Variants in SHC3 observed in about 807,000 individuals in gnomAD.
SHC3 encodes the protein SHC adaptor protein 3, also known as SHC-transforming protein 3.
SHC3 carries 15 observed loss-of-function variants against 60.4 expected under a neutral mutation model. The ratio of observed to expected loss-of-function variants is 0.25; its 90% CI spans 0.17 to 0.38. The LOEUF (loss-of-function observed/expected upper bound fraction) is 0.38, where lower values mean the gene tolerates loss of function less well. SHC3 is among the 10% of genes least tolerant of loss of function. The probability of loss-of-function intolerance (pLI) is 1.00; values close to 1 mark genes in which losing one functional copy is unlikely to be tolerated. For missense variants in SHC3, 677 were observed against 786.1 expected, an observed-to-expected ratio of 0.86 and a Z score of 1.66; for synonymous variants, 294 against 325.9, an observed-to-expected ratio of 0.90 and a Z score of 1.05.
In SHC3 at chr9:89,013,633, T is replaced by C. The variant is rs1826046763; in HGVS notation, c.1657-58A>G. 4.5e-6 allele frequency: 7 copies of C among 1,561,590 alleles called. No individual in the cohort carries two copies. In the East Asian group the frequency reaches 1.2e-4, roughly 26 times the overall value. ...TCTCACAGGCAGCAAAAAGAGAAAA[T>C]GGTTTGCTCAGAATCAGCCAGACCA... On this transcript the variant is annotated intron_variant, in intron 11 of 11. Coordinates refer to ENST00000375835, the MANE Select transcript of SHC3 (RefSeq NM_016848.6).
At chr9:89,069,594 G>A (rs1290716757) in intron 5 of SHC3, among the ~76,000 whole-genome samples, 4 of 152,230 alleles carry the variant, frequency 2.6e-5, no homozygotes, top group Admixed American at 2.6e-4. Flanking sequence ...TAAGGGCAAA[G>A]AACCATCTGC....
rs532988751 is a variant in SHC3 at position 89,078,910 on chromosome 9, C to T, written c.546-1007G>A. On this transcript the variant is annotated intron_variant, in intron 2 of 11. Transcript: ENST00000375835. ...TCCTCAGAAACATTCTATAAACTTT[C>T]CGAGCTCAATACTTCTTCAGATTAA... is the stretch of plus-strand genomic sequence containing the variant. Among the ~76,000 whole-genome samples, 4 of 152,316 alleles carry T rather than the reference C, an allele frequency of 2.6e-5. No homozygotes were observed. The East Asian group carries it at 7.7e-4, about 29-fold the overall frequency.
intron 1 of SHC3, among the ~76,000 whole-genome samples, chr9:89,131,049 G>C (rs538147009): frequency 1.2e-3 from 185 of 152,144 alleles, no homozygotes; most frequent in African/African-American, 4.3e-3. Flanking sequence ...CAATCAAATA[G>C]ACGAAATAAA....
intron 1 of SHC3, among the ~76,000 whole-genome samples, chr9:89,176,055 A>G (rs1252766453): frequency 2.6e-5 from 4 of 152,208 alleles, no homozygotes; most frequent in African/African-American, 9.6e-5. Context: ...AGCACCATTC[A>G]TGGCTGCTAA....
At chr9:89,075,067 T>C (rs1471334489) in intron 4 of SHC3, 42 bp downstream of exon 4, 2 of 1,605,394 alleles carry the variant, frequency 1.2e-6, no homozygotes, top group Non-Finnish European at 8.5e-7. Flanking sequence ...ACTCATCACC[T>C]GGGGCTGTGG....
At chr9:89,100,748 T>C (rs1204677937) in intron 2 of SHC3, among the ~76,000 whole-genome samples, 1 of 152,258 alleles carries the variant, frequency 6.6e-6, no homozygotes, top group Non-Finnish European at 1.5e-5. Context: ...TGAAGCTTTT[T>C]GTATCTGGCT....
intron 10 of SHC3, among the ~76,000 whole-genome samples, chr9:89,039,578 C>G (rs1355634880): frequency 1.3e-5 from 2 of 151,992 alleles, no homozygotes; most frequent in Non-Finnish European, 2.9e-5. Flanking sequence ...CGCCACCATC[C>G]CCACATTCAC....
chr9:89,122,800 T>C (rs1370511346), intron 1 of SHC3, among the ~76,000 whole-genome samples: 2 of 151,808 alleles, frequency 1.3e-5, no homozygotes, highest in African/African-American at 4.8e-5. Flanking sequence ...GGGAGTCAGG[T>C]GGGGGAGTAG....
chr9:89,105,391 C>A (rs1825843856), intron 2 of SHC3, among the ~76,000 whole-genome samples: 1 of 152,208 alleles, frequency 6.6e-6, no homozygotes, highest in Non-Finnish European at 1.5e-5. Flanking sequence ...TACACACAAT[C>A]TGCCTCCCAA....
chr9:89,123,858 T>C (rs1256066945), intron 1 of SHC3, among the ~76,000 whole-genome samples: 2 of 152,124 alleles, frequency 1.3e-5, no homozygotes, highest in Admixed American at 6.5e-5. Flanking sequence ...GGCCCATAAA[T>C]GGGAATGTCA....
At position 89,045,784 on chromosome 9, in the gene SHC3, G is replaced by A. The variant is rs754528767; in HGVS notation, c.1163C>T (p.Thr388Ile). The change falls in exon 9 of 12, where the codon ACT (threonine) becomes ATT (isoleucine). Residue 388 changes from threonine (T) to isoleucine (I), a missense_variant. Coordinates refer to ENST00000375835, the MANE Select transcript of SHC3 (RefSeq NM_016848.6). ...TYYQGRHLGD[T>I]FGEDWQQTPL... Reference sequence around the variant, plus strand: ...TGTTTGCTGCCAGTCTTCGCCAAAAGTGTCTCCTAAGTGTCTTCCCTGGTA... The same window carrying A: ...TGTTTGCTGCCAGTCTTCGCCAAAAATGTCTCCTAAGTGTCTTCCCTGGTA... 2 of 1,614,164 alleles carry A rather than the reference G, an allele frequency of 1.2e-6. No homozygotes were observed. The highest frequency in any genetic ancestry group is 1.7e-6 in the Non-Finnish European group (2 of 1,180,036).
intron 7 of SHC3, among the ~76,000 whole-genome samples, chr9:89,048,559 G>A (rs1453273843): frequency 6.6e-6 from 1 of 152,074 alleles, no homozygotes; most frequent in African/African-American, 2.4e-5. Context: ...TTTCTTTGGG[G>A]GGTAATGAAA....
intron 7 of SHC3, among the ~76,000 whole-genome samples, chr9:89,049,447 G>A (rs1326468179): frequency 6.6e-6 from 1 of 152,104 alleles, no homozygotes; most frequent in Non-Finnish European, 1.5e-5. Context: ...CACTGCCAGA[G>A]AAGTATGGTA....
In SHC3 at chr9:89,136,352, G is replaced by A. The variant is rs536303040; in HGVS notation, c.475-23726C>T. Among the ~76,000 whole-genome samples, 23 of 152,280 alleles carry A rather than the reference G, an allele frequency of 1.5e-4. 1 individual carries two copies. In the South Asian group the frequency reaches 4.8e-3, roughly 32 times the overall value. On this transcript the variant is annotated intron_variant, in intron 1 of 11. Coordinates refer to ENST00000375835, the MANE Select transcript of SHC3 (RefSeq NM_016848.6). ...CATTCTAAGTCACAGGGTATGATAG[G>A]AGGTCAGCACAAAATACAGGTCATA...
chr9:89,023,155 G>C (rs1826233922), intron 11 of SHC3, among the ~76,000 whole-genome samples: 1 of 152,222 alleles, frequency 6.6e-6, no homozygotes, highest in Non-Finnish European at 1.5e-5. Flanking sequence ...TGGGGCCTCA[G>C]GCCCACCCTG....
At chr9:89,089,545 G>GC (rs1382007212) in intron 2 of SHC3, among the ~76,000 whole-genome samples, 1 of 152,146 alleles carries the variant, frequency 6.6e-6, no homozygotes, top group East Asian at 1.9e-4. Flanking sequence ...TGGGTTTTAT[G>GC]CCCCCCGACA....
At chr9:89,064,827 G>T (rs1825151637) in intron 6 of SHC3, among the ~76,000 whole-genome samples, 1 of 152,172 alleles carries the variant, frequency 6.6e-6, no homozygotes, top group Non-Finnish European at 1.5e-5. Context: ...ATTATGCAAA[G>T]CAAACTAGAA....
At chr9:89,095,776 T>C (rs1408054143) in intron 2 of SHC3, among the ~76,000 whole-genome samples, 1 of 152,178 alleles carries the variant, frequency 6.6e-6, no homozygotes, top group Non-Finnish European at 1.5e-5. Flanking sequence ...GACTTTCATA[T>C]TGATTTTCCT....
intron 11 of SHC3, chr9:89,037,311 T>C (rs1181144229): frequency 1.7e-6 from 1 of 578,194 alleles, no homozygotes; most frequent in Non-Finnish European, 3.1e-6. Flanking sequence ...GCTTTGTTGT[T>C]TTCACTGGAT....
Sources: gnomAD v4.1 joint callset for allele counts (sites outside exome capture counted in the v4.1 genomes callset) on GRCh38, gnomAD v4.1.1 for gene constraint, MANE v1.5 for transcripts, NCBI Gene and HGNC (gene_info 2026-07-23, HGNC 2026-07-21) for gene names.